TENM3: variants seen among roughly 807,000 people sequenced by gnomAD.
TENM3 encodes the protein teneurin transmembrane protein 3.
Under a neutral mutation model 255.1 loss-of-function variants are expected in TENM3, and 63 were observed. The ratio of observed to expected loss-of-function variants is 0.25; its 90% CI spans 0.20 to 0.30. TENM3 has a LOEUF of 0.30. TENM3 is among the 10% of genes least tolerant of loss of function. TENM3 has a pLI of 1.00. For synonymous variants in TENM3, 1,306 were observed against 1,322.3 expected (o/e 0.99, Z 0.27); for missense variants, 2,929 against 3,461.1 (o/e 0.85, Z 3.86).
the TENM3 span, among the ~76,000 whole-genome samples, chr4:181,687,368 G>C: frequency 6.6e-6 from 1 of 152,108 alleles, no homozygotes; most frequent in African/African-American, 2.4e-5. Flanking sequence ...AATTAGCTTG[G>C]CTGAAAAGAT....
chr4:182,151,814 G>T (rs562972046), intron 1 of TENM3, among the ~76,000 whole-genome samples: 1 of 151,930 alleles, frequency 6.6e-6, no homozygotes, highest in East Asian at 1.9e-4. Context: ...GAGAATAGTT[G>T]TGTAGGTTAA....
chr4:182,448,468 T>C (rs1175869775), intron 3 of TENM3, among the ~76,000 whole-genome samples: 1 of 151,976 alleles, frequency 6.6e-6, no homozygotes, highest in Non-Finnish European at 1.5e-5. Context: ...GTGGGGCGTG[T>C]GGGTGAAGGC....
At chr4:182,594,800 A>T (rs773336957) in intron 3 of TENM3, among the ~76,000 whole-genome samples, 1 of 149,144 alleles carries the variant, frequency 6.7e-6, no homozygotes, top group African/African-American at 2.5e-5. Context: ...GCTCACTGCA[A>T]CCTCCGCCTC....
chr4:182,159,447 AGTGTGTGTGTGTGTGTGTGTGT>A (rs67981646), intron 1 of TENM3, among the ~76,000 whole-genome samples: 5 of 130,782 alleles, frequency 3.8e-5, no homozygotes, highest in African/African-American at 1.5e-4. Context: ...AGTGTGTATG[AGTGTGTGTGTGTGTGTGTGTGT>A]GTGTGTGTGT....
At chr4:182,607,614 A>C (rs956332498) in intron 4 of TENM3, among the ~76,000 whole-genome samples, 16 of 152,200 alleles carry the variant, frequency 1.1e-4, no homozygotes, top group Non-Finnish European at 1.8e-4. Context: ...AACGCTTTAG[A>C]GTCTTTTGTG....
chr4:181,901,899 A>G, the TENM3 span, among the ~76,000 whole-genome samples: 1 of 152,256 alleles, frequency 6.6e-6, no homozygotes, highest in East Asian at 1.9e-4. Context: ...AAAAAACTGC[A>G]AAAGGATTAT....
the TENM3 span, among the ~76,000 whole-genome samples, chr4:181,960,668 A>G: frequency 6.6e-6 from 1 of 152,198 alleles, no homozygotes; most frequent in Non-Finnish European, 1.5e-5. Flanking sequence ...AAAACAATGG[A>G]GAAATCTCCC....
intron 3 of TENM3, among the ~76,000 whole-genome samples, chr4:182,461,587 C>G (rs945079452): frequency 1.3e-5 from 2 of 152,100 alleles, no homozygotes; most frequent in Non-Finnish European, 2.9e-5. Flanking sequence ...CTGGTAGATG[C>G]TGTTAGATGA....
At chr4:182,059,269 C>G in the TENM3 span, among the ~76,000 whole-genome samples, 2 of 152,170 alleles carry the variant, frequency 1.3e-5, no homozygotes, top group Middle Eastern at 6.8e-3. Flanking sequence ...TACTACTATG[C>G]TGGTTTCCTT....
At chr4:181,793,212 A>G in the TENM3 span, among the ~76,000 whole-genome samples, 1 of 152,188 alleles carries the variant, frequency 6.6e-6, no homozygotes, top group Non-Finnish European at 1.5e-5. Flanking sequence ...ATCCAGCTGC[A>G]TGAAAGAGCT....
intron 1 of TENM3, among the ~76,000 whole-genome samples, chr4:182,251,238 A>C (rs2150116679): frequency 6.6e-6 from 1 of 152,304 alleles, no homozygotes; most frequent in Non-Finnish European, 1.5e-5. Flanking sequence ...GGGAGGCAGA[A>C]GCAGGAGGAT....
chr4:182,092,292 G>A, the TENM3 span, among the ~76,000 whole-genome samples: 5 of 152,080 alleles, frequency 3.3e-5, no homozygotes, highest in African/African-American at 7.2e-5. Flanking sequence ...TTGAGATGGC[G>A]CCACTACACT....
Position 182,602,087 on chromosome 4 carries a change from G to A in TENM3, c.749+926G>A, listed in dbSNP as rs147605544. Among the ~76,000 whole-genome samples, 310 of 152,264 alleles carry A rather than the reference G, an allele frequency of 2.0e-3. 1 individual carries two copies. The highest frequency in any genetic ancestry group is 3.4e-3 in the Middle Eastern group (1 of 294). ...AGGATCTCCTGGCATATAAAATTTC[G>A]CCTTCTTTCTTTGGACAGGAGCGTA... On this transcript the variant is annotated intron_variant, in intron 4 of 27. Coordinates refer to ENST00000511685, the MANE Select transcript of TENM3 (RefSeq NM_001080477.4).
chr4:182,476,584 A>G (rs888235394), intron 3 of TENM3, among the ~76,000 whole-genome samples: 6 of 152,218 alleles, frequency 3.9e-5, no homozygotes, highest in Admixed American at 1.3e-4. Context: ...ATGTATCTAT[A>G]TATTTGGACA....
the TENM3 span, among the ~76,000 whole-genome samples, chr4:181,622,791 G>T: frequency 1.3e-5 from 2 of 152,038 alleles, no homozygotes; most frequent in South Asian, 4.2e-4. Context: ...TTGGCCTTTG[G>T]TGCCCAACCT....
chr4:181,533,774 A>C, the TENM3 span, among the ~76,000 whole-genome samples: 2 of 151,856 alleles, frequency 1.3e-5, no homozygotes, highest in South Asian at 2.1e-4. Context: ...TCTGACGTAG[A>C]CCTTCTTTCA....
the TENM3 span, among the ~76,000 whole-genome samples, chr4:182,010,052 T>C: frequency 0.16 from 24,278 of 152,148 alleles, 2,267 homozygotes; most frequent in Non-Finnish European, 0.22. Context: ...TGAGTGAACC[T>C]GGATACTTTG....
At chr4:182,626,724 T>C (rs1750849495) in intron 4 of TENM3, among the ~76,000 whole-genome samples, 1 of 152,176 alleles carries the variant, frequency 6.6e-6, no homozygotes, top group African/African-American at 2.4e-5. Flanking sequence ...TAAATTAGCT[T>C]TTTAAAGTAG....
In TENM3 at chr4:182,340,842, A is replaced by G. The variant is rs186813902; in HGVS notation, c.233-5809A>G. ...GGAGGAGAGTCACTCCATGCCTGAGAAGAAATAATTCCATTCAAGCTCACA... is the reference window on the plus strand; with the variant it reads ...GGAGGAGAGTCACTCCATGCCTGAGGAGAAATAATTCCATTCAAGCTCACA... On this transcript the variant is annotated intron_variant, in intron 2 of 27. Coordinates refer to ENST00000511685, the MANE Select transcript of TENM3 (RefSeq NM_001080477.4). 3.0e-3 allele frequency among the ~76,000 whole-genome samples: 464 copies of G among 152,346 alleles called. 2 individuals are homozygous for G. Among genetic ancestry groups the G allele is most frequent in the African/African-American group, 0.01 (434 of 41,582 alleles).
Sources: allele counts gnomAD v4.1 joint callset (sites outside exome capture counted in the v4.1 genomes callset), GRCh38; gene constraint gnomAD v4.1.1; transcripts MANE v1.5; gene names NCBI Gene and HGNC (gene_info 2026-07-23, HGNC 2026-07-21).